PCDH7: variants seen among roughly 807,000 people sequenced by gnomAD.
PCDH7 encodes protocadherin 7.
In PCDH7, 17 loss-of-function variants were observed where a neutral mutation model predicts 58.9. That is an observed-to-expected ratio of 0.29 (90% confidence interval 0.20 to 0.43). The LOEUF is 0.43. Ranked by LOEUF, PCDH7 falls within the 20% of genes least tolerant of loss-of-function variation. PCDH7 has a pLI of 1.00. For synonymous variants in PCDH7, 664 were observed against 616.4 expected (o/e 1.08, Z -1.14); for missense variants, 1,274 against 1,441.0 (o/e 0.88, Z 1.88).
chr4:31,041,669 A>G (rs967418492), intron 3 of PCDH7, among the ~76,000 whole-genome samples: 1 of 151,982 alleles, frequency 6.6e-6, no homozygotes, highest in African/African-American at 2.4e-5. Flanking sequence ...CTAGTTATTT[A>G]CATTTTCATT....
At chr4:30,940,410 T>C (rs577825689) in intron 2 of PCDH7, among the ~76,000 whole-genome samples, 3 of 152,146 alleles carry the variant, frequency 2.0e-5, no homozygotes, top group East Asian at 1.9e-4. Flanking sequence ...TTCATTGATA[T>C]TTGAAAAATC....
At chr4:31,054,379 G>A (rs560315751) in intron 3 of PCDH7, among the ~76,000 whole-genome samples, 1 of 152,294 alleles carries the variant, frequency 6.6e-6, no homozygotes, top group African/African-American at 2.4e-5. Flanking sequence ...TTATTAACAT[G>A]TCCAAGTTAG....
At chr4:31,088,634 G>A (rs544912189) in intron 3 of PCDH7, among the ~76,000 whole-genome samples, 7 of 152,002 alleles carry the variant, frequency 4.6e-5, no homozygotes, top group South Asian at 4.1e-4. Flanking sequence ...ACCAAAACTA[G>A]CAATGAAGAG....
intron 1 of PCDH7, among the ~76,000 whole-genome samples, chr4:30,835,062 G>A (rs185828507): frequency 6.8e-4 from 104 of 152,172 alleles, no homozygotes; most frequent in Non-Finnish European, 1.2e-3. Flanking sequence ...TGAATTTGTC[G>A]GTTGTTACAC....
At chr4:31,106,288 G>A (rs1715565730) in intron 3 of PCDH7, among the ~76,000 whole-genome samples, 1 of 152,064 alleles carries the variant, frequency 6.6e-6, no homozygotes, top group Admixed American at 6.6e-5. Context: ...AATATTAATT[G>A]CAGAAATGGT....
chr4:30,972,981 C>T (rs1487024868), intron 3 of PCDH7, among the ~76,000 whole-genome samples: 2 of 152,104 alleles, frequency 1.3e-5, no homozygotes, highest in Non-Finnish European at 2.9e-5. Flanking sequence ...AATAAATATT[C>T]GATGTTACTA....
intron 1 of PCDH7, among the ~76,000 whole-genome samples, chr4:30,755,001 G>A (rs1446469304): frequency 6.6e-6 from 1 of 152,064 alleles, no homozygotes; most frequent in African/African-American, 2.4e-5. Flanking sequence ...ATATTTTTAT[G>A]GTTGTATTCA....
chr4:30,754,950 A>G (rs898373142), intron 1 of PCDH7, among the ~76,000 whole-genome samples: 25 of 152,176 alleles, frequency 1.6e-4, no homozygotes, highest in Admixed American at 1.6e-3. Context: ...AGGTGTGTGT[A>G]GGCTGATTAT....
At chr4:30,868,691 C>T (rs1182772960) in intron 1 of PCDH7, among the ~76,000 whole-genome samples, 1 of 151,912 alleles carries the variant, frequency 6.6e-6, no homozygotes, top group Non-Finnish European at 1.5e-5. Context: ...GAATTCTTGA[C>T]CCCTGGAATA....
chr4:30,769,780 A>C (rs1208395403), intron 1 of PCDH7, among the ~76,000 whole-genome samples: 1 of 152,166 alleles, frequency 6.6e-6, no homozygotes, highest in Non-Finnish European at 1.5e-5. Flanking sequence ...AAGAGTTTAC[A>C]CTGTTCATCA....
At chr4:31,142,927 G>C (rs1720433075) in exon 4 of PCDH7, 1 of 1,108,104 alleles carries the variant, frequency 9.0e-7, no homozygotes, top group Admixed American at 2.6e-5. Flanking sequence ...AAAGCAAAAC[G>C]TTTAATCACA....
At chr4:30,873,487 A>G (rs1329464541) in intron 1 of PCDH7, among the ~76,000 whole-genome samples, 1 of 152,132 alleles carries the variant, frequency 6.6e-6, no homozygotes, top group African/African-American at 2.4e-5. Context: ...AGATCTATAT[A>G]CAAATTTAAT....
At chr4:30,785,863 A>G (rs939087284) in intron 1 of PCDH7, among the ~76,000 whole-genome samples, 11 of 152,010 alleles carry the variant, frequency 7.2e-5, no homozygotes, top group Non-Finnish European at 1.0e-4. Context: ...AAAGTGATTT[A>G]TTATTATTTT....
chr4:30,882,083 T>C (rs1737040523), intron 1 of PCDH7, among the ~76,000 whole-genome samples: 2 of 147,858 alleles, frequency 1.4e-5, no homozygotes, highest in Admixed American at 1.4e-4. Flanking sequence ...ATCCTCCTCC[T>C]CCCCTGCTTC....
chr4:31,108,080 T>A (rs954459119), intron 3 of PCDH7, among the ~76,000 whole-genome samples: 1 of 152,058 alleles, frequency 6.6e-6, no homozygotes, highest in Non-Finnish European at 1.5e-5. Flanking sequence ...GAAAAGGACA[T>A]TTCTATGTCA....
At chr4:30,808,559 T>C (rs1229734810) in intron 1 of PCDH7, among the ~76,000 whole-genome samples, 2 of 152,188 alleles carry the variant, frequency 1.3e-5, no homozygotes, top group Non-Finnish European at 2.9e-5. Flanking sequence ...AGCCTTCAGC[T>C]CAACATTCAT....
At chr4:30,838,171 A>C (rs7434610) in intron 1 of PCDH7, among the ~76,000 whole-genome samples, 1 of 151,752 alleles carries the variant, frequency 6.6e-6, no homozygotes, top group African/African-American at 2.4e-5. Context: ...ATATGCATAA[A>C]TATTATAAAT....
At chr4:31,143,632 A>AT (rs1457581462), downstream of PCDH7, 1 of 152,130 alleles carries the variant, frequency 6.6e-6, no homozygotes, top group Non-Finnish European at 1.5e-5. Context: ...AATTATATAT[A>AT]TTTTTTCAGA....
intron 3 of PCDH7, among the ~76,000 whole-genome samples, chr4:31,075,099 A>T (rs1758878742): frequency 6.6e-6 from 1 of 152,136 alleles, no homozygotes; most frequent in South Asian, 2.1e-4. Context: ...TGTAGATAAA[A>T]GTGATGGAAT....
Sources: allele counts gnomAD v4.1 joint callset (sites outside exome capture counted in the v4.1 genomes callset), GRCh38; gene constraint gnomAD v4.1.1; transcripts MANE v1.5; gene names NCBI Gene and HGNC (gene_info 2026-07-23, HGNC 2026-07-21).